The following MACO1 variants were observed in gnomAD, a reference collection of about 807,000 sequenced individuals.
MACO1 encodes the protein macoilin.
In MACO1, 14 loss-of-function variants were observed where a neutral mutation model predicts 78.7. That is an observed-to-expected ratio of 0.18 (90% CI 0.12 to 0.28). The LOEUF (loss-of-function observed/expected upper bound fraction) is 0.28. Ranked by LOEUF, MACO1 falls within the 10% of genes least tolerant of loss-of-function variation. The pLI, the probability that MACO1 is intolerant of heterozygous loss-of-function variation, is 1.00. For missense variants in MACO1, 501 were observed against 799.0 expected (o/e 0.63, Z 4.50); for synonymous variants, 288 against 291.6 (o/e 0.99, Z 0.12).
At chr1:25,446,949 T>C in intron 2 of MACO1, 46 bp downstream of exon 2, 1 of 1,577,394 alleles carries the variant, frequency 6.3e-7, no homozygotes. Context: ...ACCATTCAGC[T>C]GTTTAGAGTA....
intron 6 of MACO1, among the ~76,000 whole-genome samples, chr1:25,468,923 CTT>C (rs2043242635): frequency 1.3e-5 from 2 of 152,172 alleles, no homozygotes; most frequent in South Asian, 4.1e-4. Flanking sequence ...ATCTGGGAAA[CTT>C]CACCTCCCAG....
chr1:25,437,875 C>T (rs750661296), intron 1 of MACO1, among the ~76,000 whole-genome samples: 9 of 152,092 alleles, frequency 5.9e-5, no homozygotes, highest in Non-Finnish European at 1.0e-4. Context: ...GTGCCATGAT[C>T]GTGTCACTAC....
In MACO1 at chr1:25,494,475, G is replaced by T. The variant is rs1317562467; in HGVS notation, c.1792+2891G>T. Among the ~76,000 whole-genome samples the T allele has an allele frequency of 2.0e-5, 3 of 152,078 alleles. No individual in the cohort carries two copies. The East Asian group carries it at 5.8e-4, about 29-fold the overall frequency. ...GGGAAGGAAAGAGTGGGAGGGTAGG[G>T]GACCATGAACGAAGCCATACTAGAG... On this transcript the variant is annotated intron_variant, in intron 10 of 10. Coordinates refer to ENST00000374343, the MANE Select transcript of MACO1 (RefSeq NM_018202.6).
At chr1:25,449,125 G>A (rs1332784610) in intron 3 of MACO1, among the ~76,000 whole-genome samples, 191 bp downstream of exon 3, 1 of 151,830 alleles carries the variant, frequency 6.6e-6, no homozygotes, top group Admixed American at 6.6e-5. Context: ...ACTTTAAGCT[G>A]TTATGATTTG....
At chr1:25,481,264 A>G (rs1474367469) in intron 6 of MACO1, among the ~76,000 whole-genome samples, 1 of 152,164 alleles carries the variant, frequency 6.6e-6, no homozygotes, top group Non-Finnish European at 1.5e-5. Flanking sequence ...ATTCCTGTGC[A>G]TCTGCATATG....
At chr1:25,493,476 C>G (rs1571993171) in intron 10 of MACO1, among the ~76,000 whole-genome samples, 2 of 151,948 alleles carry the variant, frequency 1.3e-5, no homozygotes, top group South Asian at 4.1e-4. Flanking sequence ...CCTCGAACTC[C>G]TGGGCTCAAG....
chr1:25,484,299 G>A (rs757613300), intron 7 of MACO1, 25 bp downstream of exon 7: 1 of 1,558,956 alleles, frequency 6.4e-7, no homozygotes, highest in Non-Finnish European at 8.7e-7. Flanking sequence ...CAGGCCTTTG[G>A]CCGTAAGCCC....
intron 6 of MACO1, among the ~76,000 whole-genome samples, chr1:25,464,953 C>T (rs2043205352): frequency 6.6e-6 from 1 of 150,922 alleles, no homozygotes; most frequent in Admixed American, 6.6e-5. Flanking sequence ...GAATTACAGG[C>T]ATGAGCCACT....
intron 6 of MACO1, among the ~76,000 whole-genome samples, chr1:25,464,487 G>A (rs1258065742): frequency 2.6e-5 from 4 of 151,532 alleles, no homozygotes; most frequent in African/African-American, 9.7e-5. Flanking sequence ...TGGGATTACA[G>A]GCAGCTGCCA....
intron 6 of MACO1, among the ~76,000 whole-genome samples, chr1:25,470,715 A>G (rs577179717): frequency 2.4e-4 from 36 of 152,284 alleles, no homozygotes; most frequent in African/African-American, 8.2e-4. Flanking sequence ...AACAGATTGT[A>G]TAGTATGAAT....
Position 25,467,819 on chromosome 1 carries a change from A to G in MACO1, c.1154+8927A>G, listed in dbSNP as rs568232710. On this transcript the variant is annotated intron_variant, in intron 6 of 10. Coordinates refer to ENST00000374343, the MANE Select transcript of MACO1 (RefSeq NM_018202.6). ...ACTCTGTTGTTTTTCATTTTTATCA[A>G]TGAAGTAAATGAACCCTAGAAGATT... Among the ~76,000 whole-genome samples, 14 of 151,578 alleles carry G rather than the reference A, an allele frequency of 9.2e-5. No individual in the cohort carries two copies. In the South Asian group the frequency reaches 1.2e-3, roughly 13 times the overall value.
chr1:25,440,422 GAAGA>G (rs951004456), intron 1 of MACO1, among the ~76,000 whole-genome samples: 7 of 142,296 alleles, frequency 4.9e-5, no homozygotes, highest in Non-Finnish European at 1.1e-4. Flanking sequence ...AAAAAAAAAA[GAAGA>G]AAGAAAAAAG....
intron 8 of MACO1, among the ~76,000 whole-genome samples, chr1:25,488,618 C>T (rs993849502): frequency 5.3e-5 from 8 of 151,812 alleles, no homozygotes; most frequent in Non-Finnish European, 1.2e-4. Flanking sequence ...CTCGGCCTCC[C>T]GAGTAGCTGG....
chr1:25,445,797 G>T (rs2043010770), intron 1 of MACO1, among the ~76,000 whole-genome samples: 1 of 151,810 alleles, frequency 6.6e-6, no homozygotes, highest in East Asian at 1.9e-4. Context: ...TGAATTTTAG[G>T]TATTTCCATT....
intron 1 of MACO1, among the ~76,000 whole-genome samples, chr1:25,439,324 A>C (rs868047288): frequency 1.1e-4 from 16 of 152,064 alleles, no homozygotes; most frequent in Middle Eastern, 3.4e-3. Flanking sequence ...TGAGCTCAGG[A>C]GTTGGAGGTT....
At chr1:25,443,802 G>A (rs1367727321) in intron 1 of MACO1, among the ~76,000 whole-genome samples, 3 of 152,162 alleles carry the variant, frequency 2.0e-5, no homozygotes, top group African/African-American at 2.4e-5. Context: ...GCAATTGGTG[G>A]TACTCTTTCT....
intron 3 of MACO1, among the ~76,000 whole-genome samples, chr1:25,449,173 C>A (rs2043042690): frequency 6.6e-6 from 1 of 151,720 alleles, no homozygotes; most frequent in Admixed American, 6.6e-5. Flanking sequence ...CCAGCTCTCA[C>A]TCTGAATATA....
intron 6 of MACO1, among the ~76,000 whole-genome samples, chr1:25,460,274 C>T (rs1245473586): frequency 2.6e-5 from 4 of 152,156 alleles, no homozygotes; most frequent in Non-Finnish European, 5.9e-5. Flanking sequence ...TGGAAGAGAA[C>T]TCTCCTCCAG....
Position 25,431,129 on chromosome 1 carries a change from C to T in MACO1, c.31C>T (p.Leu11Phe). Residue 11 changes from leucine (L) to phenylalanine (F), a missense_variant, in exon 1 of 11, where the codon CTC becomes TTC. Coordinates refer to ENST00000374343, the MANE Select transcript of MACO1 (RefSeq NM_018202.6). ...GCGGCGGAACGCCGACTGCAGTAAG[C>T]TCCGCCGCCCCCTAAAGCGGAACCG... MKRRNADCSK[L>F]RRPLKRNRIT... The T allele has an allele frequency of 6.3e-7, 1 of 1,598,040 alleles. No homozygotes were observed. The highest frequency in any genetic ancestry group is 1.1e-5 in the South Asian group (1 of 89,426).
Sources: allele counts gnomAD v4.1 joint callset (sites outside exome capture counted in the v4.1 genomes callset), GRCh38; gene constraint gnomAD v4.1.1; transcripts MANE v1.5; gene names NCBI Gene and HGNC (gene_info 2026-07-23, HGNC 2026-07-21).